KMT2D: variants seen among roughly 807,000 people sequenced by gnomAD.
KMT2D encodes the protein histone-lysine N-methyltransferase 2D.
A neutral mutation model predicts 512.7 loss-of-function variants in KMT2D; 55 were observed. The ratio of observed to expected loss-of-function variants is 0.11; its 90% confidence interval spans 0.09 to 0.13. The LOEUF (loss-of-function observed/expected upper bound fraction) is 0.13, where lower values mean the gene tolerates loss of function less well. Among genes scored for constraint, KMT2D ranks in the 10% least tolerant of loss-of-function variants. The pLI is 1.00. For synonymous variants in KMT2D, 2,995 were observed against 2,904.0 expected (o/e 1.03, Z -1.01); for missense variants, 6,061 against 7,127.9 (o/e 0.85, Z 5.39).
rs1237256636 is a variant in KMT2D at position 49,052,427 on chromosome 12, G to A, written c.1259-3C>T. 1 of 1,541,206 alleles carries A rather than the reference G, an allele frequency of 6.5e-7. No individual in the cohort carries two copies. The highest frequency in any genetic ancestry group is 8.7e-7 in the Non-Finnish European group (1 of 1,143,122). ...CTCAAGTTGGACCCCTGCTTTCCCT[G>A]CAGACACAACAACACGATGCTCCTA... On this transcript the variant is annotated splice_region_variant and splice_polypyrimidine_tract_variant and intron_variant, in intron 10 of 54. Transcript: ENST00000301067.
Position 49,042,707 on chromosome 12 carries a change from A to C in KMT2D, c.5782+34T>G, listed in dbSNP as rs778360230. 3.1e-6 allele frequency: 5 copies of C among 1,608,956 alleles called. No homozygotes were observed. Among genetic ancestry groups the C allele is most frequent in the Non-Finnish European group, 4.3e-6 (5 of 1,176,438 alleles). On this transcript the variant is annotated intron_variant, in intron 27 of 54. Coordinates refer to ENST00000301067, the MANE Select transcript of KMT2D (RefSeq NM_003482.4). This position sits in a 1 kb window ranked among gnomAD's most constrained non-coding sequence, Gnocchi z 4.4. ...GCCCATCCTGGAGGCAAGCTTGGTTATGTCAGTCTTCAGACCACTCCCACC... is the reference window on the plus strand; with the variant it reads ...GCCCATCCTGGAGGCAAGCTTGGTTCTGTCAGTCTTCAGACCACTCCCACC...
chr12:49,030,587 G>C lies in KMT2D; in HGVS notation c.13839+14C>G, dbSNP rs2120405365. On this transcript the variant is annotated intron_variant, in intron 42 of 54. Coordinates refer to ENST00000301067, the MANE Select transcript of KMT2D (RefSeq NM_003482.4). ...AACTTCACTATTCCCAAAAAATATTGCCATTTTTCTGACCTTGGTAAGCAG... is the reference window on the plus strand; with the variant it reads ...AACTTCACTATTCCCAAAAAATATTCCCATTTTTCTGACCTTGGTAAGCAG... 6.5e-7 allele frequency: 1 copy of C among 1,546,570 alleles called. No homozygotes were observed. The highest frequency in any genetic ancestry group is 8.7e-7 in the Non-Finnish European group (1 of 1,145,978).
rs1592140555 is a variant in KMT2D, at chr12:49,042,897, C to T, written c.5645-19G>A. 6.2e-7 allele frequency: 1 copy of T among 1,613,506 alleles called. No homozygotes were observed. Among genetic ancestry groups the T allele is most frequent in the East Asian group, 2.2e-5 (1 of 44,886 alleles). ...GGCAGTTCTGTGGGGGAATGAAGGA[C>T]ACTGTTGAGGAAGACTGGGAAGTTC... On this transcript the variant is annotated intron_variant, in intron 26 of 54. Coordinates refer to ENST00000301067, the MANE Select transcript of KMT2D (RefSeq NM_003482.4). The surrounding 1 kb of genome is among the most constrained non-coding windows in gnomAD (Gnocchi z 4.4).
In KMT2D at chr12:49,051,392, T is replaced by A. The variant is rs1182333125; in HGVS notation, c.2291A>T (p.Gln764Leu). The A allele has an allele frequency of 4.4e-6, 7 of 1,603,560 alleles. No individual in the cohort carries two copies. Among genetic ancestry groups the A allele is most frequent in the Non-Finnish European group, 5.9e-6 (7 of 1,176,668 alleles). The change falls in exon 11 of 55, where the codon CAG (glutamine) becomes CTG (leucine). Residue 764 changes from glutamine to leucine, a missense_variant. Gln to Leu is a moderately radical substitution (Grantham distance 113). This residue lies in a region of KMT2D where 848 missense variants were observed against 838.5 expected (regional missense o/e 1.01). Transcript: ENST00000301067. ...PRPEEPHLSP[Q>L]AEEPHLSPQP... The stretch of plus-strand genomic sequence containing the variant: ...GGGGGACAGGTGTGGCTCCTCAGCC[T>A]GCGGAGATAGGTGTGGCTCCTCAGG...
Position 49,049,933 on chromosome 12 carries a change from T to C in KMT2D, c.3655A>G (p.Ser1219Gly). Residue 1219 changes from serine to glycine, a missense_variant, in exon 12 of 55, where the codon AGT becomes GGT. Coordinates refer to ENST00000301067, the MANE Select transcript of KMT2D (RefSeq NM_003482.4). ...AGGAGGGGCTCTGAGCCAGGAAAAC[T>C]GGCACTGGCATCACCCTGGCTCAGA... is the stretch of plus-strand genomic sequence containing the variant. ...SNLSQGDASA[S>G]FPGSEPLLGS... is the part of the protein sequence containing the mutation. 1 of 1,613,926 alleles carries C rather than the reference T, an allele frequency of 6.2e-7. No homozygotes were observed. Among genetic ancestry groups the C allele is most frequent in the Non-Finnish European group, 8.5e-7 (1 of 1,179,894 alleles).
chr12:49,043,092 G>A lies in KMT2D; in HGVS notation c.5628C>T (p.Asp1876=), dbSNP rs1464832476. The A allele has an allele frequency of 6.2e-7, 1 of 1,613,694 alleles. No homozygotes were observed. Among genetic ancestry groups the A allele is most frequent in the South Asian group, 1.1e-5 (1 of 91,076 alleles). The part of the protein sequence containing the change: ...PGEGMLSSDL[D]RISTEELPKM... Reference sequence around the variant, plus strand: ...CAGCCTCACCTTCTGTGGAAATCCTGTCTAAGTCAGAGCTAAGCATCCCTT... The same window carrying A: ...CAGCCTCACCTTCTGTGGAAATCCTATCTAAGTCAGAGCTAAGCATCCCTT... The change falls in exon 26 of 55, where the codon GAC becomes GAT. Residue 1876 remains aspartate (D), a synonymous_variant. Transcript: ENST00000301067.
Position 49,040,018 on chromosome 12 carries a change from T to G in KMT2D, c.7752A>C (p.Thr2584=), listed in dbSNP as rs763517245. ...KPQSTNYTVA[T]GNFHPSGSPL... ...GGCTGCCCGATGGGTGGAAGTTCCC[T>G]GTGGCTACTGTGTAGTTTGTGCTTT... is the stretch of plus-strand genomic sequence containing the variant. The change falls in exon 32 of 55, where the codon ACA becomes ACC. Residue 2584 remains threonine, a synonymous_variant. Coordinates refer to ENST00000301067, the MANE Select transcript of KMT2D (RefSeq NM_003482.4). The G allele has an allele frequency of 1.2e-6, 2 of 1,613,630 alleles. No individual in the cohort carries two copies. The highest frequency in any genetic ancestry group is 1.7e-6 in the Non-Finnish European group (2 of 1,179,744).
Position 49,041,275 on chromosome 12 carries a change from G to C in KMT2D, c.6495C>G (p.Pro2165=), listed in dbSNP as rs2120544338. Residue 2165 remains proline (P), a synonymous_variant, in exon 32 of 55, where the codon CCC becomes CCG. Coordinates refer to ENST00000301067, the MANE Select transcript of KMT2D (RefSeq NM_003482.4). The surrounding 1 kb of genome is among the most constrained non-coding windows in gnomAD (Gnocchi z 5.4). ...GCGAAGGCACTTGGGCGGGCACCTGGGGTGGGAGCTTGAGGAAGAGCTCAC... is the reference window on the plus strand; with the variant it reads ...GCGAAGGCACTTGGGCGGGCACCTGCGGTGGGAGCTTGAGGAAGAGCTCAC... ...SPGELFLKLP[P]QVPAQVPSQD... is the part of the protein sequence containing the mutation. 5 of 1,520,722 alleles carry C rather than the reference G, an allele frequency of 3.3e-6. No homozygotes were observed. Among genetic ancestry groups the C allele is most frequent in the Non-Finnish European group, 3.5e-6 (4 of 1,137,866 alleles). 94.2% of individuals were successfully genotyped at this position (1,520,722 alleles called of 1,614,324 possible). A position where few individuals can be genotyped will look rare whatever the true frequency, so the allele number is the denominator to read the frequency against.
In KMT2D at chr12:49,032,784, T is replaced by G. The variant is rs766902851; in HGVS notation, c.11921A>C (p.Gln3974Pro). ...QQFQQQQQQQ[Q>P]MGLLNQSRTL... ...TCGACTCTGGTTTAAAAGGCCCATC[T>G]GCTGCTGTTGCTGCTGCTGTTGAAA... The change falls in exon 40 of 55, where the codon CAG becomes CCG. Residue 3974 changes from glutamine (Q) to proline (P), a missense_variant. This residue lies in a region of KMT2D where 1,600 missense variants were observed against 1,754.9 expected (regional missense o/e 0.91). Transcript: ENST00000301067. The G allele has an allele frequency of 1.9e-6, 3 of 1,553,892 alleles. No individual in the cohort carries two copies. In the African/African-American group the frequency reaches 4.1e-5, roughly 21 times the overall value.
At position 49,054,508 on chromosome 12, in the gene KMT2D, G is replaced by A. The variant is rs1255808508; in HGVS notation, c.400+20C>T. The A allele has an allele frequency of 3.1e-6, 5 of 1,597,964 alleles. No homozygotes were observed. The South Asian group carries it at 4.5e-5, about 14-fold the overall frequency. ...CTACCCAGCCCTTATCCCATTTCCT[G>A]CCCCATTCTCCTCACTCACCTCCAG... On this transcript the variant is annotated intron_variant, in intron 4 of 54. Coordinates refer to ENST00000301067, the MANE Select transcript of KMT2D (RefSeq NM_003482.4). This position sits in a 1 kb window ranked among gnomAD's most constrained non-coding sequence, Gnocchi z 6.4.
At position 49,054,623 on chromosome 12, in the gene KMT2D, C is replaced by T. The variant is rs368471915; in HGVS notation, c.305G>A (p.Ser102Asn). The T allele has an allele frequency of 1.7e-5, 28 of 1,613,140 alleles. No homozygotes were observed. The highest frequency in any genetic ancestry group is 2.3e-5 in the Non-Finnish European group (27 of 1,179,522). ...PRCPVVSPGG[S>N]PGPNEAVLPS... ...CAGCACTGCCTCATTGGGCCCTGGG[C>T]TCCCCCCAGGGGACACCACTGGACA... The change falls in exon 4 of 55, where the codon AGC (serine) becomes AAC (asparagine). Residue 102 changes from serine to asparagine, a missense_variant. Coordinates refer to ENST00000301067, the MANE Select transcript of KMT2D (RefSeq NM_003482.4). The surrounding 1 kb of genome is among the most constrained non-coding windows in gnomAD (Gnocchi z 6.4).
rs1163173851 is a variant in KMT2D at position 49,051,055 on chromosome 12, T to A, written c.2628A>T (p.Ala876=). ...KPPEEPGQCP[A]PEELPLFPPP... ...GAGGGAACAAGGGCAGCTCCTCAGG[T>A]GCAGGGCATTGGCCTGGCTCCTCAG... is the stretch of plus-strand genomic sequence containing the variant. Residue 876 remains alanine (A), a synonymous_variant, in exon 11 of 55, where the codon GCA becomes GCT. Coordinates refer to ENST00000301067, the MANE Select transcript of KMT2D (RefSeq NM_003482.4). 1.3e-6 allele frequency: 2 copies of A among 1,535,394 alleles called. No homozygotes were observed. Among genetic ancestry groups the A allele is most frequent in the Non-Finnish European group, 1.7e-6 (2 of 1,144,320 alleles).
In KMT2D at chr12:49,049,238, A is replaced by G. The variant is rs1398221374; in HGVS notation, c.3907-20T>C. 4.0e-6 allele frequency: 6 copies of G among 1,493,368 alleles called. No individual in the cohort carries two copies. The highest frequency in any genetic ancestry group is 1.4e-5 in the African/African-American group (1 of 72,558). 92.5% of individuals were successfully genotyped at this position (1,493,368 alleles called of 1,614,324 possible). On this transcript the variant is annotated intron_variant, in intron 12 of 54. Transcript: ENST00000301067. Reference sequence around the variant, plus strand: ...GCGACCCTGAGTGAAAGAAGGGGACAATGACAGGAGCATGTCAAGGGCTAG... The same window carrying G: ...GCGACCCTGAGTGAAAGAAGGGGACGATGACAGGAGCATGTCAAGGGCTAG...
chr12:49,038,574 C>T lies in KMT2D; in HGVS notation c.8782G>A (p.Gly2928Ser), dbSNP rs1415216647. ...PEGLRGLAVS[G>S]LPPQKPSAPP... ...GCTGAGGGTTTCTGTGGGGGAAGAC[C>T]TGATACCGCCAGGCCCCGAAGCCCT... is the stretch of plus-strand genomic sequence containing the variant. Residue 2928 changes from glycine (G) to serine (S), a missense_variant, in exon 35 of 55, where the codon GGT becomes AGT. Gly to Ser is a moderately conservative substitution (Grantham distance 56, BLOSUM62 0). Around this residue, in one of 16 missense-constraint regions of KMT2D, gnomAD observed 527 missense variants for 578.9 expected, o/e 0.91. Coordinates refer to ENST00000301067, the MANE Select transcript of KMT2D (RefSeq NM_003482.4). This position sits in a 1 kb window ranked among gnomAD's most constrained non-coding sequence, Gnocchi z 5.7. 1.9e-6 allele frequency: 3 copies of T among 1,612,514 alleles called. No individual in the cohort carries two copies. In the South Asian group the frequency reaches 3.3e-5, roughly 18 times the overall value.
rs988352935 is a variant in KMT2D, at chr12:49,049,700, G to C, written c.3888C>G (p.Ala1296=). The C allele has an allele frequency of 6.3e-7, 1 of 1,593,494 alleles. No individual in the cohort carries two copies. The highest frequency in any genetic ancestry group is 8.6e-7 in the Non-Finnish European group (1 of 1,165,122). ...CCCTCACCTGTTTGATGCGGGAACG[G>C]GCTGGGGAGCTGCGCCGCCGCCCCT... is the stretch of plus-strand genomic sequence containing the variant. ...GEKGRRRSSP[A]RSRIKQGRSS... The change falls in exon 12 of 55, where the codon GCC becomes GCG. Residue 1296 remains alanine (A), a synonymous_variant. Transcript: ENST00000301067.
At position 49,043,393 on chromosome 12, in the gene KMT2D, G is replaced by A. The variant is rs371685892; in HGVS notation, c.5503C>T (p.Arg1835Cys). 15 of 1,613,796 alleles carry A rather than the reference G, an allele frequency of 9.3e-6. No homozygotes were observed. The highest frequency in any genetic ancestry group is 6.7e-5 in the Admixed American group (4 of 60,000). The part of the protein sequence containing the change: ...DGPDIADEES[R>C]GLEGKADTPG... ...GTATCGGCTTTGCCCTCGAGGCCAC[G>A]GGATTCTTCATCTGCAATATCTGGA... The change falls in exon 25 of 55, where the codon CGT (arginine) becomes TGT (cysteine). Residue 1835 changes from arginine (R) to cysteine (C), a missense_variant. By Grantham distance (180) the Arg-to-Cys change is radical (BLOSUM62 -3). This residue lies in a region of KMT2D where 640 missense variants were observed against 814.3 expected (regional missense o/e 0.79). Transcript: ENST00000301067.
rs752971744 is a variant in KMT2D at position 49,032,196 on chromosome 12, G to A, written c.12509C>T (p.Pro4170Leu). ...GACAGGTCCTGGTTTGGGAGGTTGT[G>A]GCCCTGTATTATTTTGCATGGGCCG... is the stretch of plus-strand genomic sequence containing the variant. ...LERPMQNNTG[P>L]QPPKPGPVLQ... The change falls in exon 40 of 55, where the codon CCA becomes CTA. Residue 4170 changes from proline to leucine, a missense_variant. By Grantham distance (98) the Pro-to-Leu change is moderately conservative (BLOSUM62 -3). Around this residue, in one of 16 missense-constraint regions of KMT2D, gnomAD observed 1,600 missense variants for 1,754.9 expected, o/e 0.91. Transcript: ENST00000301067. 67 of 1,612,696 alleles carry A rather than the reference G, an allele frequency of 4.2e-5. No individual in the cohort carries two copies. The highest frequency in any genetic ancestry group is 5.1e-5 in the Non-Finnish European group (60 of 1,178,942).
At chr12:49,025,300 G>A (rs1266555435) in intron 49 of KMT2D, among the ~76,000 whole-genome samples, 3 of 152,144 alleles carry the variant, frequency 2.0e-5, no homozygotes, top group South Asian at 4.1e-4. Context: ...ATACAGTCAC[G>A]TGCAGCTTAA....
intron 13 of KMT2D, 90 bp downstream of exon 13, chr12:49,049,015 G>T: frequency 1.2e-6 from 1 of 844,486 alleles, no homozygotes; most frequent in East Asian, 2.6e-5. Context: ...AGACGAGCAG[G>T]CAGGTAGGCA....
Sources: gnomAD v4.1 joint callset for allele counts (sites outside exome capture counted in the v4.1 genomes callset) on GRCh38, gnomAD v4.1.1 for gene constraint, gnomAD v4.1.1 regional missense constraint, Gnocchi (gnomAD v3.1) non-coding constraint, MANE v1.5 for transcripts, NCBI Gene and HGNC (gene_info 2026-07-23, HGNC 2026-07-21) for gene names.